The following NPAS2 variants were observed in gnomAD, a reference collection of about 807,000 sequenced individuals.
NPAS2 encodes the protein neuronal PAS domain-containing protein 2.
A neutral mutation model predicts 107.5 loss-of-function variants in NPAS2; 23 were observed. The observed-to-expected ratio is 0.21, with a 90% confidence interval of 0.15 to 0.30. The LOEUF is 0.30. Among genes scored for constraint, NPAS2 ranks in the 10% least tolerant of loss-of-function variants. NPAS2 has a pLI of 1.00. For missense variants in NPAS2, 756 were observed against 1,043.3 expected, an observed-to-expected ratio of 0.72 and a Z score of 3.79; for synonymous variants, 403 against 417.5, an observed-to-expected ratio of 0.97 and a Z score of 0.42.
intron 1 of NPAS2, among the ~76,000 whole-genome samples, chr2:100,821,745 A>T (rs2104299780): frequency 6.6e-6 from 1 of 152,304 alleles, no homozygotes; most frequent in South Asian, 2.1e-4. Flanking sequence ...ATTCAAGCGC[A>T]CACACTAGCT....
chr2:100,838,321 A>G (rs1162895417), intron 1 of NPAS2, among the ~76,000 whole-genome samples: 2 of 152,180 alleles, frequency 1.3e-5, no homozygotes, highest in Non-Finnish European at 2.9e-5. Context: ...CTTGTTGCCC[A>G]GGCTGGAGTG....
chr2:100,948,438 A>G (rs535303827), intron 6 of NPAS2, 83 bp downstream of exon 6: 1 of 1,239,070 alleles, frequency 8.1e-7, no homozygotes, highest in African/African-American at 1.5e-5. Flanking sequence ...TTAAGAAGGG[A>G]GAACTAATTT....
At chr2:100,954,940 T>C (rs2105090646) in intron 7 of NPAS2, among the ~76,000 whole-genome samples, 1 of 152,038 alleles carries the variant, frequency 6.6e-6, no homozygotes, top group East Asian at 1.9e-4. Context: ...TGTAGTGGCG[T>C]GATCTCGGCT....
chr2:100,991,332 C>T (rs1462954270), intron 19 of NPAS2, among the ~76,000 whole-genome samples: 1 of 152,172 alleles, frequency 6.6e-6, no homozygotes, highest in African/African-American at 2.4e-5. Context: ...CCACTAGCAC[C>T]GGTAGGACCA....
chr2:100,847,936 A>T (rs1573454644), intron 1 of NPAS2, among the ~76,000 whole-genome samples: 1 of 152,236 alleles, frequency 6.6e-6, no homozygotes, highest in African/African-American at 2.4e-5. Context: ...TGGGGAAGCT[A>T]CAAGTACAGA....
At position 100,904,919 on chromosome 2, in the gene NPAS2, G is replaced by C. The variant is rs960785430; in HGVS notation, c.32+133G>C. 12 of 685,540 alleles carry C rather than the reference G, an allele frequency of 1.8e-5. No individual in the cohort carries two copies. The South Asian group carries it at 2.2e-4, about 12-fold the overall frequency. 42.5% of individuals were successfully genotyped at this position (685,540 alleles called of 1,614,324 possible). A position where few individuals can be genotyped will look rare whatever the true frequency, so the allele number is the denominator to read the frequency against. On this transcript the variant is annotated intron_variant, in intron 2 of 20. Coordinates refer to ENST00000335681, the MANE Select transcript of NPAS2 (RefSeq NM_002518.4). ...TAGGCAGCTGTAGGACACACTCTCT[G>C]TGACATATTGCAGTGCTCCATGAGA...
chr2:100,964,832 CTTT>C, intron 8 of NPAS2, 26 bp from the exon 9 acceptor site: 36 of 1,227,288 alleles, frequency 2.9e-5, no homozygotes, highest in Admixed American at 9.5e-5. Context: ...ACCCAAGCAA[CTTT>C]TTTTTTTTTT....
rs750701929 is a variant in NPAS2 at position 100,968,268 on chromosome 2, T to A, written c.908-13T>A. 1.4e-5 allele frequency: 22 copies of A among 1,613,474 alleles called. No homozygotes were observed. The highest frequency in any genetic ancestry group is 3.3e-4 in the Middle Eastern group (2 of 6,060). On this transcript the variant is annotated splice_polypyrimidine_tract_variant and intron_variant, in intron 10 of 20. Transcript: ENST00000335681. The surrounding 1 kb of genome is among the most constrained non-coding windows in gnomAD (Gnocchi z 5.3). ...AACATTGGTTATATGCGGAATCCAT[T>A]TTCTACCGACAGTGATGCAGTTTGG...
intron 1 of NPAS2, among the ~76,000 whole-genome samples, chr2:100,885,153 T>G (rs1680616164): frequency 6.6e-6 from 1 of 152,148 alleles, no homozygotes; most frequent in South Asian, 2.1e-4. Context: ...GGTTTCACCC[T>G]GTTAGCCAGG....
chr2:100,843,279 G>A (rs1471041733), intron 1 of NPAS2, among the ~76,000 whole-genome samples: 4 of 151,628 alleles, frequency 2.6e-5, no homozygotes, highest in Non-Finnish European at 5.9e-5. Context: ...AGCCTCACCT[G>A]GGAATTTCAT....
intron 12 of NPAS2, among the ~76,000 whole-genome samples, chr2:100,973,394 C>T (rs769100128): frequency 2.2e-4 from 33 of 152,166 alleles, no homozygotes; most frequent in Non-Finnish European, 4.6e-4. Flanking sequence ...GGCTTATTCT[C>T]GCTTCCTGGA....
chr2:100,834,941 C>G (rs1676964901), intron 1 of NPAS2, among the ~76,000 whole-genome samples: 1 of 152,212 alleles, frequency 6.6e-6, no homozygotes, highest in South Asian at 2.1e-4. Context: ...TCTCAAACTC[C>G]TGACCTCAAG....
chr2:100,931,238 G>A (rs954027348), intron 3 of NPAS2, among the ~76,000 whole-genome samples: 7 of 152,240 alleles, frequency 4.6e-5, no homozygotes, highest in Admixed American at 2.0e-4. Flanking sequence ...CCATCAGCAC[G>A]GTTTCCTCTC....
chr2:100,980,829 T>C (rs1297845599), intron 15 of NPAS2, among the ~76,000 whole-genome samples: 1 of 152,170 alleles, frequency 6.6e-6, no homozygotes, highest in Non-Finnish European at 1.5e-5. Context: ...AAAGGAAGTC[T>C]GAGGTCAAAG....
At chr2:100,916,311 A>AT (rs1184805718) in intron 2 of NPAS2, among the ~76,000 whole-genome samples, 5 of 152,160 alleles carry the variant, frequency 3.3e-5, no homozygotes, top group South Asian at 4.1e-4. Context: ...TGTTCCAATG[A>AT]TTTTTTTCAG....
intron 5 of NPAS2, among the ~76,000 whole-genome samples, chr2:100,939,593 T>C (rs1029133639): frequency 6.6e-6 from 1 of 152,026 alleles, no homozygotes; most frequent in Non-Finnish European, 1.5e-5. Context: ...GGGGTATTCT[T>C]TGGAGGGCGC....
In NPAS2 at chr2:100,835,848, A is replaced by G. The variant is rs147220134; in HGVS notation, c.-23+15434A>G. ...AGAAGTCACTCAGGGTCACCCCAAA[A>G]CATATCCTCCTGCCCCTCTTCCCCT... On this transcript the variant is annotated intron_variant, in intron 1 of 20. Coordinates refer to ENST00000335681, the MANE Select transcript of NPAS2 (RefSeq NM_002518.4). 5.6e-3 allele frequency among the ~76,000 whole-genome samples: 857 copies of G among 152,262 alleles called. 7 individuals carry two copies. The highest frequency in any genetic ancestry group is 0.019 in the African/African-American group (785 of 41,552).
chr2:100,996,100 CT>C lies in NPAS2; in HGVS notation c.*520del. On this transcript the variant is annotated 3_prime_UTR_variant, in exon 21 of 21. Transcript: ENST00000335681. The stretch of plus-strand genomic sequence containing the variant: ...TTGCACAGCTACACAGAGGAAATAA[CT>C]TAGGCACTTTCTGTTTTTTTTAAAA... 1 of 552,052 alleles carries C rather than the reference CT, an allele frequency of 1.8e-6. No homozygotes were observed. The highest frequency in any genetic ancestry group is 2.6e-6 in the Non-Finnish European group (1 of 391,840). 34.2% of individuals were successfully genotyped at this position (552,052 alleles called of 1,614,324 possible). A position where few individuals can be genotyped will look rare whatever the true frequency, so the allele number is the denominator to read the frequency against.
intron 5 of NPAS2, among the ~76,000 whole-genome samples, chr2:100,938,230 G>A (rs926859683): frequency 6.6e-6 from 1 of 152,212 alleles, no homozygotes; most frequent in South Asian, 2.1e-4. Context: ...ACAACAGATG[G>A]CTTGGGTTGA....
Sources: allele counts gnomAD v4.1 joint callset (sites outside exome capture counted in the v4.1 genomes callset), GRCh38; gene constraint gnomAD v4.1.1; non-coding constraint Gnocchi (gnomAD v3.1); transcripts MANE v1.5; gene names NCBI Gene and HGNC (gene_info 2026-07-23, HGNC 2026-07-21).